Variants in TMEM38A observed in about 807,000 individuals in gnomAD.
The protein encoded by TMEM38A is trimeric intracellular cation channel type A.
Under a neutral mutation model 28.6 loss-of-function variants are expected in TMEM38A, and 17 were observed. That is an observed-to-expected ratio of 0.60 (90% CI 0.41 to 0.89). The LOEUF is 0.89. TMEM38A is among the 40% of genes least tolerant of loss of function. The pLI, the probability that TMEM38A is intolerant of heterozygous loss-of-function variation, is 0.00. For missense variants in TMEM38A, 328 were observed against 393.1 expected (o/e 0.83, Z 1.40); for synonymous variants, 169 against 166.1 (o/e 1.02, Z -0.14).
rs533339415 is a variant in TMEM38A at position 16,682,329 on chromosome 19, T to C, written c.467-92T>C. ...CTCAGTGTCCTTCTAGAGAAGATTC[T>C]GGGAGTGGAGAGACTGCTTCCTTGG... On this transcript the variant is annotated intron_variant, in intron 3 of 5. Coordinates refer to ENST00000187762, the MANE Select transcript of TMEM38A (RefSeq NM_024074.4). 17 of 992,568 alleles carry C rather than the reference T, an allele frequency of 1.7e-5. No homozygotes were observed. The African/African-American group carries it at 2.2e-4, about 13-fold the overall frequency. 61.5% of individuals were successfully genotyped at this position (992,568 alleles called of 1,614,324 possible). A position where few individuals can be genotyped will look rare whatever the true frequency, so the allele number is the denominator to read the frequency against.
intron 1 of TMEM38A, among the ~76,000 whole-genome samples, chr19:16,670,399 G>A (rs867186147): frequency 5.5e-4 from 84 of 151,590 alleles, no homozygotes; most frequent in African/African-American, 1.6e-3. Context: ...CTCAGCTGCC[G>A]GAGTAGCTGG....
At chr19:16,665,849 C>T (rs2086700780) in intron 1 of TMEM38A, among the ~76,000 whole-genome samples, 3 of 150,246 alleles carry the variant, frequency 2.0e-5, no homozygotes, top group Admixed American at 2.0e-4. Context: ...TGTTTTGCTG[C>T]CCAGGCTGGA....
In TMEM38A at chr19:16,661,480, C is replaced by A; in HGVS notation, c.124+139C>A. 1.4e-6 allele frequency: 1 copy of A among 706,090 alleles called. No individual in the cohort carries two copies. Among genetic ancestry groups the A allele is most frequent in the Non-Finnish European group, 2.1e-6 (1 of 482,230 alleles). The allele number at this position is 706,090 out of a possible 1,614,324, so 43.7% of individuals were successfully genotyped here. A position where few individuals can be genotyped will look rare whatever the true frequency, so the allele number is the denominator to read the frequency against. On this transcript the variant is annotated intron_variant, in intron 1 of 5. Coordinates refer to ENST00000187762, the MANE Select transcript of TMEM38A (RefSeq NM_024074.4). The surrounding 1 kb of genome is among the most constrained non-coding windows in gnomAD (Gnocchi z 6.5). Reference sequence around the variant, plus strand: ...TCAAGGATTGCATCGTGGGAGTAGGCAGGCGCTAGAATCGTGGGGTTCTCT... The same window carrying A: ...TCAAGGATTGCATCGTGGGAGTAGGAAGGCGCTAGAATCGTGGGGTTCTCT...
At chr19:16,683,661 G>A (rs1327174718) in intron 4 of TMEM38A, among the ~76,000 whole-genome samples, 1 of 151,336 alleles carries the variant, frequency 6.6e-6, no homozygotes, top group Non-Finnish European at 1.5e-5. Flanking sequence ...GAGTGCTTTG[G>A]AAATATTAGA....
At chr19:16,685,586 T>C (rs1407260401) in intron 4 of TMEM38A, among the ~76,000 whole-genome samples, 2 of 152,198 alleles carry the variant, frequency 1.3e-5, no homozygotes, top group African/African-American at 4.8e-5. Flanking sequence ...GGATTTTTAT[T>C]GTGGCTCAGA....
intron 1 of TMEM38A, among the ~76,000 whole-genome samples, chr19:16,677,845 AC>A (rs1169903499): frequency 7.2e-5 from 11 of 152,298 alleles, no homozygotes; most frequent in African/African-American, 2.6e-4. Context: ...AGTGTGAGCC[AC>A]CGTGCCCAGC....
At position 16,676,111 on chromosome 19, in the gene TMEM38A, A is replaced by ACT. The variant is rs2086750008; in HGVS notation, c.125-3873_125-3872insCT. 2.2e-5 allele frequency among the ~76,000 whole-genome samples: 3 copies of ACT among 133,496 alleles called. 1 individual carries two copies. Among genetic ancestry groups the ACT allele is most frequent in the African/African-American group, 1.2e-4 (3 of 25,128 alleles). The allele number at this position is 133,496 out of a possible 152,430, so 87.6% of individuals were successfully genotyped here. A position where few individuals can be genotyped will look rare whatever the true frequency, so the allele number is the denominator to read the frequency against. ...CGCGGTGGCTCACACCTGTAATCCC[A>ACT]GCACTTTGTGAGGCCGAGGCAGGCG... On this transcript the variant is annotated intron_variant, in intron 1 of 5. Coordinates refer to ENST00000187762, the MANE Select transcript of TMEM38A (RefSeq NM_024074.4).
chr19:16,687,438 T>G (rs1013052308), intron 5 of TMEM38A, among the ~76,000 whole-genome samples: 1 of 152,208 alleles, frequency 6.6e-6, no homozygotes, highest in Non-Finnish European at 1.5e-5. Flanking sequence ...TGAGAATTGC[T>G]TGAACCCAGG....
At chr19:16,679,252 C>CGTGTGTGTGTGTGTGTGTGT (rs35543309) in intron 1 of TMEM38A, among the ~76,000 whole-genome samples, 2 of 128,292 alleles carry the variant, frequency 1.6e-5, no homozygotes, top group Non-Finnish European at 3.3e-5. Flanking sequence ...TCTTTTGTTT[C>CGTGTGTGTGTGTGTGTGTGT]GTGTGTGTGT....
At chr19:16,663,403 T>G (rs557399725) in intron 1 of TMEM38A, among the ~76,000 whole-genome samples, 1 of 152,164 alleles carries the variant, frequency 6.6e-6, no homozygotes, top group African/African-American at 2.4e-5. Context: ...AAGATATTTC[T>G]GCAGAAGTCC....
At chr19:16,678,766 C>CA (rs61142232) in intron 1 of TMEM38A, among the ~76,000 whole-genome samples, 2,271 of 45,202 alleles carry the variant, frequency 0.05, 5 homozygotes, top group Non-Finnish European at 0.076. Context: ...ACCCTGTGTC[C>CA]AAAAAAAAAA....
intron 1 of TMEM38A, among the ~76,000 whole-genome samples, chr19:16,663,550 A>AAGTCT: frequency 6.6e-6 from 1 of 150,868 alleles, no homozygotes; most frequent in Non-Finnish European, 1.5e-5. Context: ...TTTTTTTGAA[A>AAGTCT]CGGAGTCTCG....
chr19:16,662,192 A>G (rs1246078958), intron 1 of TMEM38A, among the ~76,000 whole-genome samples: 1 of 152,184 alleles, frequency 6.6e-6, no homozygotes, highest in Non-Finnish European at 1.5e-5. Context: ...AGGCTTAGAA[A>G]AATAAAGGAA....
intron 1 of TMEM38A, among the ~76,000 whole-genome samples, chr19:16,676,300 G>A (rs1039923676): frequency 6.6e-6 from 1 of 152,142 alleles, no homozygotes; most frequent in Non-Finnish European, 1.5e-5. Flanking sequence ...AGCTTGCAGT[G>A]ATCTGAGATT....
intron 4 of TMEM38A, among the ~76,000 whole-genome samples, 183 bp from the exon 5 acceptor site, chr19:16,686,105 G>C (rs907119822): frequency 3.3e-5 from 5 of 152,210 alleles, no homozygotes; most frequent in African/African-American, 1.2e-4. Context: ...GGAGGTTGCA[G>C]TGAGCCGAGG....
intron 3 of TMEM38A, chr19:16,681,087 A>G (rs2086779977): frequency 6.3e-6 from 1 of 157,626 alleles, no homozygotes; most frequent in Non-Finnish European, 1.4e-5. Context: ...ACTTTTGTGG[A>G]CCATGGCCCT....
Position 16,680,404 on chromosome 19 carries a change from A to C in TMEM38A, c.289A>C (p.Ile97Leu). Residue 97 changes from isoleucine (I) to leucine (L), a missense_variant, in exon 3 of 6, where the codon ATT becomes CTT. By Grantham distance (5) the Ile-to-Leu change is conservative. Coordinates refer to ENST00000187762, the MANE Select transcript of TMEM38A (RefSeq NM_024074.4). ...ILLASAVWYL[I>L]FFCPLDLFYK... ...CTGTTCTCTCCCCAAAAGGTACTTG[A>C]TTTTCTTCTGCCCCCTGGACCTCTT... 1 of 1,613,746 alleles carries C rather than the reference A, an allele frequency of 6.2e-7. No individual in the cohort carries two copies. The highest frequency in any genetic ancestry group is 8.5e-7 in the Non-Finnish European group (1 of 1,179,964).
rs1205901655 is a variant in TMEM38A, at chr19:16,661,820, C to A, written c.124+479C>A. On this transcript the variant is annotated intron_variant, in intron 1 of 5. Coordinates refer to ENST00000187762, the MANE Select transcript of TMEM38A (RefSeq NM_024074.4). This position sits in a 1 kb window ranked among gnomAD's most constrained non-coding sequence, Gnocchi z 6.5. Reference sequence around the variant, plus strand: ...CGGTCAGGTTCAGCGAAAGTGACACCGGTTCTCCTCCCCACTGCAACTGCC... The same window carrying A: ...CGGTCAGGTTCAGCGAAAGTGACACAGGTTCTCCTCCCCACTGCAACTGCC... Among the ~76,000 whole-genome samples the A allele has an allele frequency of 6.6e-6, 1 of 152,028 alleles. No individual in the cohort carries two copies. Among genetic ancestry groups the A allele is most frequent in the Non-Finnish European group, 1.5e-5 (1 of 68,016 alleles).
At chr19:16,685,379 C>CT (rs1449301807) in intron 4 of TMEM38A, among the ~76,000 whole-genome samples, 3 of 152,104 alleles carry the variant, frequency 2.0e-5, no homozygotes, top group African/African-American at 7.2e-5. Context: ...GAATGAGACT[C>CT]TGACTCATAC....
Sources: gnomAD v4.1 joint callset for allele counts (sites outside exome capture counted in the v4.1 genomes callset) on GRCh38, gnomAD v4.1.1 for gene constraint, Gnocchi (gnomAD v3.1) non-coding constraint, MANE v1.5 for transcripts, NCBI Gene and HGNC (gene_info 2026-07-23, HGNC 2026-07-21) for gene names.